GUCY2C: variants seen among roughly 807,000 people sequenced by gnomAD.
The protein encoded by GUCY2C is guanylyl cyclase C.
Under a neutral mutation model 131.1 loss-of-function variants are expected in GUCY2C, and 118 were observed. The observed-to-expected ratio is 0.90, with a 90% CI of 0.78 to 1.05. GUCY2C has a LOEUF of 1.05. Ranked by LOEUF, GUCY2C falls within the 50% of genes least tolerant of loss-of-function variation. The pLI is 0.00. For missense variants in GUCY2C, 1,161 were observed against 1,304.4 expected (o/e 0.89, Z 1.69); for synonymous variants, 452 against 457.8 (o/e 0.99, Z 0.16).
In GUCY2C at chr12:14,672,854, G is replaced by C; in HGVS notation, c.1170+19C>G. The C allele has an allele frequency of 6.9e-7, 1 of 1,444,498 alleles. No individual in the cohort carries two copies. Among genetic ancestry groups the C allele is most frequent in the Non-Finnish European group, 9.7e-7 (1 of 1,026,096 alleles). 89.5% of individuals were successfully genotyped at this position (1,444,498 alleles called of 1,614,324 possible). A position where few individuals can be genotyped will look rare whatever the true frequency, so the allele number is the denominator to read the frequency against. ...CCAGTCACAGCACCCTGAATTTTCT[G>C]ATAAGCAGTGAGACATACTTTCTTG... is the stretch of plus-strand genomic sequence containing the variant. On this transcript the variant is annotated intron_variant, in intron 9 of 26. Coordinates refer to ENST00000261170, the MANE Select transcript of GUCY2C (RefSeq NM_004963.4).
intron 8 of GUCY2C, 183 bp downstream of exon 8, chr12:14,674,442 A>G: frequency 1.5e-6 from 1 of 681,194 alleles, no homozygotes; most frequent in South Asian, 1.6e-5. Flanking sequence ...TGAAACATAA[A>G]CCGGAGTTCA....
Position 14,628,531 on chromosome 12 carries a change from C to T in GUCY2C, c.2249+115G>A, listed in dbSNP as rs1345120280. 21 of 665,610 alleles carry T rather than the reference C, an allele frequency of 3.2e-5. No individual in the cohort carries two copies. In the East Asian group the frequency reaches 5.5e-4, roughly 17 times the overall value. 41.2% of individuals were successfully genotyped at this position (665,610 alleles called of 1,614,324 possible). On this transcript the variant is annotated intron_variant, in intron 20 of 26. Coordinates refer to ENST00000261170, the MANE Select transcript of GUCY2C (RefSeq NM_004963.4). Reference sequence around the variant, plus strand: ...ATGTTATGAGGCAGTTGTTGGTTGCCACCTGGGATTTTTCACTGGAATAGA... The same window carrying T: ...ATGTTATGAGGCAGTTGTTGGTTGCTACCTGGGATTTTTCACTGGAATAGA...
chr12:14,630,100 T>C (rs912167851), intron 19 of GUCY2C, among the ~76,000 whole-genome samples: 4 of 151,542 alleles, frequency 2.6e-5, no homozygotes, highest in Admixed American at 2.6e-4. Flanking sequence ...TTTGCAGCTT[T>C]TTTTTTTTTA....
chr12:14,630,408 G>C (rs926746272), intron 19 of GUCY2C, among the ~76,000 whole-genome samples: 4 of 152,072 alleles, frequency 2.6e-5, no homozygotes, highest in Non-Finnish European at 5.9e-5. Flanking sequence ...GTCTCCATGG[G>C]TTCTGCATTC....
intron 10 of GUCY2C, among the ~76,000 whole-genome samples, chr12:14,668,630 T>C (rs1948034870): frequency 2.2e-5 from 1 of 45,176 alleles, no homozygotes; most frequent in South Asian, 1.3e-3. Context: ...ATGGTATTTC[T>C]ACTTTTTTTT....
intron 9 of GUCY2C, among the ~76,000 whole-genome samples, chr12:14,672,013 T>C (rs1948123071): frequency 6.6e-6 from 1 of 152,212 alleles, no homozygotes; most frequent in South Asian, 2.1e-4. Context: ...CAGATATCTT[T>C]TACAAAGCTG....
rs113646698 is a variant in GUCY2C at position 14,653,396 on chromosome 12, C to T, written c.1471-382G>A. On this transcript the variant is annotated intron_variant, in intron 12 of 26. Transcript: ENST00000261170. ...TGAGTTGCACACTCATGCCTAAAGGCCCAAGTAGCAATGCAAATGATAAAA... is the reference window on the plus strand; with the variant it reads ...TGAGTTGCACACTCATGCCTAAAGGTCCAAGTAGCAATGCAAATGATAAAA... Among the ~76,000 whole-genome samples, 93 of 152,286 alleles carry T rather than the reference C, an allele frequency of 6.1e-4. 2 individuals carry two copies. Among genetic ancestry groups the T allele is most frequent in the African/African-American group, 2.2e-3 (92 of 41,544 alleles).
At chr12:14,619,388 A>T in intron 23 of GUCY2C, 79 bp from the exon 24 acceptor site, 1 of 849,474 alleles carries the variant, frequency 1.2e-6, no homozygotes, top group Admixed American at 1.8e-5. Flanking sequence ...GCCTCTCTGT[A>T]TGGTCACAAT....
rs1948431418 is a variant in GUCY2C at position 14,684,611 on chromosome 12, TCCTTCCTTCCTTCCTTC to T, written c.396-1371_396-1355del. ...TTCCTTCCTTCCTTCCTTCCTTCCT[TCCTTCCTTCCTTCCTTC>T]CTTTCCTTTCCTTTCCTTTCCTTTC... On this transcript the variant is annotated intron_variant, in intron 3 of 26. Transcript: ENST00000261170. 5.8e-4 allele frequency among the ~76,000 whole-genome samples: 3 copies of T among 5,192 alleles called. 1 individual carries two copies. The highest frequency in any genetic ancestry group is 9.6e-4 in the African/African-American group (3 of 3,138). 3.4% of individuals were successfully genotyped at this position (5,192 alleles called of 152,430 possible).
intron 7 of GUCY2C, among the ~76,000 whole-genome samples, chr12:14,676,042 C>G (rs2160538): frequency 0.97 from 148,269 of 152,288 alleles, 72,300 homozygotes; most frequent in Non-Finnish European, 1. Context: ...ATCCATCTTT[C>G]TTTGCAGCTT....
chr12:14,648,425 G>GA (rs1324752669), intron 15 of GUCY2C, among the ~76,000 whole-genome samples: 2 of 152,088 alleles, frequency 1.3e-5, no homozygotes, highest in African/African-American at 4.8e-5. Context: ...AAAACTATCA[G>GA]AAAAGACTCT....
Position 14,622,020 on chromosome 12 carries a change from A to T in GUCY2C, c.2586T>A (p.His862Gln). 1 of 1,603,010 alleles carries T rather than the reference A, an allele frequency of 6.2e-7. No individual in the cohort carries two copies. The highest frequency in any genetic ancestry group is 8.5e-7 in the Non-Finnish European group (1 of 1,175,588). Residue 862 changes from histidine (H) to glutamine (Q), a missense_variant, in exon 22 of 27, where the codon CAT (histidine) becomes CAA (glutamine). By Grantham distance (24) the His-to-Gln change is conservative. Transcript: ENST00000261170. ...IYKSFDHIVD[H>Q]HDVYKVETIG... ...ATGTGGTTACCTTGTAGACATCATG[A>T]TGATCAACAATGTGGTCAAAACTCT...
At chr12:14,686,069 C>G (rs1948462581) in intron 3 of GUCY2C, 92 bp downstream of exon 3, 2 of 780,358 alleles carry the variant, frequency 2.6e-6, no homozygotes, top group African/African-American at 3.4e-5. Context: ...CTCAACACCT[C>G]TGATTGTGTT....
intron 5 of GUCY2C, 63 bp downstream of exon 5, chr12:14,681,293 A>G: frequency 7.0e-7 from 1 of 1,437,826 alleles, no homozygotes; most frequent in Non-Finnish European, 9.8e-7. Context: ...GAAATGACTT[A>G]TAAGGAGGTG....
intron 16 of GUCY2C, among the ~76,000 whole-genome samples, 175 bp from the exon 17 acceptor site, chr12:14,643,881 C>G (rs1168565028): frequency 6.6e-6 from 1 of 151,702 alleles, no homozygotes; most frequent in African/African-American, 2.4e-5. Flanking sequence ...TAATATTTGC[C>G]TACACTTTAT....
In GUCY2C at chr12:14,628,812, G is replaced by C. The variant is rs956374352; in HGVS notation, c.2158-75C>G. On this transcript the variant is annotated intron_variant, in intron 19 of 26. Transcript: ENST00000261170. ...TCAAGAGAGAATTCTTATTCTCATTGATGGGAGTGATTAAGGCAAGGAATA... is the reference window on the plus strand; with the variant it reads ...TCAAGAGAGAATTCTTATTCTCATTCATGGGAGTGATTAAGGCAAGGAATA... 9 of 796,892 alleles carry C rather than the reference G, an allele frequency of 1.1e-5. No homozygotes were observed. In the African/African-American group the frequency reaches 1.5e-4, roughly 14 times the overall value. The allele number at this position is 796,892 out of a possible 1,614,324, so 49.4% of individuals were successfully genotyped here. A position where few individuals can be genotyped will look rare whatever the true frequency, so the allele number is the denominator to read the frequency against.
At chr12:14,667,559 C>T (rs771033482) in intron 10 of GUCY2C, among the ~76,000 whole-genome samples, 3 of 152,142 alleles carry the variant, frequency 2.0e-5, no homozygotes, top group Non-Finnish European at 4.4e-5. Flanking sequence ...AAACTAGAAA[C>T]GCAGGTATAG....
chr12:14,668,020 T>C (rs866092748), intron 10 of GUCY2C, among the ~76,000 whole-genome samples: 1 of 138,608 alleles, frequency 7.2e-6, no homozygotes, highest in Non-Finnish European at 1.6e-5. Context: ...TTTTTTTTTT[T>C]TGAGGCAGGG....
intron 19 of GUCY2C, among the ~76,000 whole-genome samples, chr12:14,635,211 G>T (rs75666953): frequency 2.6e-5 from 4 of 152,032 alleles, no homozygotes; most frequent in Admixed American, 2.6e-4. Flanking sequence ...CATATGTTAC[G>T]ACACAAAACC....
Sources: allele counts gnomAD v4.1 joint callset (sites outside exome capture counted in the v4.1 genomes callset), GRCh38; gene constraint gnomAD v4.1.1; transcripts MANE v1.5; gene names NCBI Gene and HGNC (gene_info 2026-07-23, HGNC 2026-07-21).